PIK3R2: variants seen among roughly 807,000 people sequenced by gnomAD.
PIK3R2 encodes the protein phosphoinositide-3-kinase regulatory subunit 2, also known as phosphatidylinositol 3-kinase regulatory subunit beta.
PIK3R2 carries 40 observed loss-of-function variants against 78.5 expected under a neutral mutation model. The observed-to-expected ratio is 0.51, with a 90% CI of 0.40 to 0.66. The LOEUF (loss-of-function observed/expected upper bound fraction) is 0.66. PIK3R2 is among the 30% of genes least tolerant of loss of function. The probability of loss-of-function intolerance (pLI) is 0.00; values close to 1 mark genes in which losing one functional copy is unlikely to be tolerated. For synonymous variants in PIK3R2, 473 were observed against 457.7 expected, an observed-to-expected ratio of 1.03 and a Z score of -0.43; for missense variants, 880 against 1,026.6, an observed-to-expected ratio of 0.86 and a Z score of 1.95.
Position 18,169,860 on chromosome 19 carries a change from G to A in PIK3R2, c.*566G>A, listed in dbSNP as rs1306741550. On this transcript the variant is annotated 3_prime_UTR_variant, in exon 16 of 16. Transcript: ENST00000222254. The stretch of plus-strand genomic sequence containing the variant: ...AAACCCCGAAGTGAAACCCGCCACC[G>A]GGTTACCCCCACAAGGGGGCCGCTG... The A allele has an allele frequency of 4.9e-6, 1 of 203,088 alleles. No individual in the cohort carries two copies. The highest frequency in any genetic ancestry group is 1.0e-5 in the Non-Finnish European group (1 of 98,474). 12.6% of individuals were successfully genotyped at this position (203,088 alleles called of 1,614,324 possible).
chr19:18,168,996 C>T lies in PIK3R2; in HGVS notation c.1980-91C>T. On this transcript the variant is annotated intron_variant, in intron 15 of 15. Coordinates refer to ENST00000222254, the MANE Select transcript of PIK3R2 (RefSeq NM_005027.4). This position sits in a 1 kb window ranked among gnomAD's most constrained non-coding sequence, Gnocchi z 4.1. ...CTTGGGAAGGAGTCCCTGGTGGGGT[C>T]ATCCGGGACAGGGGAGCACGCGGCC... 2 of 1,554,114 alleles carry T rather than the reference C, an allele frequency of 1.3e-6. No homozygotes were observed. Among genetic ancestry groups the T allele is most frequent in the Non-Finnish European group, 1.8e-6 (2 of 1,138,536 alleles).
chr19:18,167,055 G>A lies in PIK3R2; in HGVS notation c.1560-75G>A. On this transcript the variant is annotated intron_variant, in intron 12 of 15. Coordinates refer to ENST00000222254, the MANE Select transcript of PIK3R2 (RefSeq NM_005027.4). This position sits in a 1 kb window ranked among gnomAD's most constrained non-coding sequence, Gnocchi z 4.5. ...GGAGGCTGAGGTAGGAGGGTCACCT[G>A]AGCCCAGGAGTTTGAGGGTGCAGTG... The A allele has an allele frequency of 7.5e-7, 1 of 1,325,960 alleles. No individual in the cohort carries two copies. The allele number at this position is 1,325,960 out of a possible 1,614,324, so 82.1% of individuals were successfully genotyped here.
chr19:18,157,533 G>A (rs1442209408), intron 2 of PIK3R2, among the ~76,000 whole-genome samples: 1 of 152,210 alleles, frequency 6.6e-6, no homozygotes, highest in Non-Finnish European at 1.5e-5. Flanking sequence ...GAAGTCACCT[G>A]AGCCCCACCT....
Position 18,161,624 on chromosome 19 carries a change from T to A in PIK3R2, c.815+129T>A, listed in dbSNP as rs1272698167. On this transcript the variant is annotated intron_variant, in intron 6 of 15. Transcript: ENST00000222254. This position sits in a 1 kb window ranked among gnomAD's most constrained non-coding sequence, Gnocchi z 5.3. ...ATGGGGTCCAGAGTGAGAAGCTGCG[T>A]TCTTGTGATGACGGAGCGGAGACCT... 2.1e-6 allele frequency: 1 copy of A among 485,486 alleles called. No individual in the cohort carries two copies. Among genetic ancestry groups the A allele is most frequent in the Non-Finnish European group, 3.5e-6 (1 of 285,486 alleles). The allele number at this position is 485,486 out of a possible 1,614,324, so 30.1% of individuals were successfully genotyped here.
Position 18,156,203 on chromosome 19 carries a change from T to A in PIK3R2, c.322+2T>A. On this transcript the variant is annotated splice_donor_variant, in intron 2 of 15. Transcript: ENST00000222254. LOFTEE classifies it high-confidence loss of function. The surrounding 1 kb of genome is among the most constrained non-coding windows in gnomAD (Gnocchi z 4.2). ...CCCGTGATGGGGCCCCTGAGCCAGGTGAGCAGCAAGCAGGGGCCCTGGAAA... is the reference window on the plus strand; with the variant it reads ...CCCGTGATGGGGCCCCTGAGCCAGGAGAGCAGCAAGCAGGGGCCCTGGAAA... 1 of 1,467,064 alleles carries A rather than the reference T, an allele frequency of 6.8e-7. No individual in the cohort carries two copies. Among genetic ancestry groups the A allele is most frequent in the African/African-American group, 1.5e-5 (1 of 67,284 alleles). 90.9% of individuals were successfully genotyped at this position (1,467,064 alleles called of 1,614,324 possible).
chr19:18,155,400 G>A, intron 1 of PIK3R2, 57 bp from the exon 2 acceptor site: 11 of 377,468 alleles, frequency 2.9e-5, no homozygotes, highest in Non-Finnish European at 4.7e-5. Flanking sequence ...GCCCATCTCC[G>A]TGTTGGGGGT....
intron 2 of PIK3R2, among the ~76,000 whole-genome samples, chr19:18,157,914 G>A (rs867155511): frequency 6.6e-6 from 1 of 152,146 alleles, no homozygotes; most frequent in Admixed American, 6.5e-5. Flanking sequence ...CTGCTGAGGC[G>A]GGGATGCTGC....
chr19:18,167,417 C>T lies in PIK3R2; in HGVS notation c.1736+111C>T. ...TCTCCACCAAGTGGCCCTTCCTGGGCCCCGAGACCCCTTAAACTCGGTTCC... is the reference window on the plus strand; with the variant it reads ...TCTCCACCAAGTGGCCCTTCCTGGGTCCCGAGACCCCTTAAACTCGGTTCC... On this transcript the variant is annotated intron_variant, in intron 13 of 15. Coordinates refer to ENST00000222254, the MANE Select transcript of PIK3R2 (RefSeq NM_005027.4). This position sits in a 1 kb window ranked among gnomAD's most constrained non-coding sequence, Gnocchi z 4.5. 3 of 905,388 alleles carry T rather than the reference C, an allele frequency of 3.3e-6. No homozygotes were observed. The highest frequency in any genetic ancestry group is 3.1e-6 in the Non-Finnish European group (2 of 636,732). The allele number at this position is 905,388 out of a possible 1,614,324, so 56.1% of individuals were successfully genotyped here.
intron 11 of PIK3R2, among the ~76,000 whole-genome samples, chr19:18,163,879 C>G (rs916577930): frequency 1.3e-5 from 2 of 151,170 alleles, no homozygotes; most frequent in Non-Finnish European, 2.9e-5. Context: ...GTAATCCCAG[C>G]ACTTTGGGAG....
At chr19:18,162,890 C>T in intron 9 of PIK3R2, 77 bp from the exon 10 acceptor site, 2 of 1,383,800 alleles carry the variant, frequency 1.4e-6, no homozygotes, top group Non-Finnish European at 2.0e-6. Context: ...AAGACTCTGT[C>T]TCAAAAAAAA....
At chr19:18,163,657 CA>C (rs1429061869) in intron 11 of PIK3R2, among the ~76,000 whole-genome samples, 8 of 152,058 alleles carry the variant, frequency 5.3e-5, no homozygotes, top group Non-Finnish European at 1.2e-4. Flanking sequence ...GACCCGTCTA[CA>C]AAAAAATTTA....
chr19:18,164,501 T>C (rs1384395158), intron 11 of PIK3R2, among the ~76,000 whole-genome samples: 1 of 152,042 alleles, frequency 6.6e-6, no homozygotes, highest in East Asian at 1.9e-4. Flanking sequence ...AAAAATTAAG[T>C]GAAAGGTTTT....
chr19:18,162,761 A>T, intron 9 of PIK3R2: 1 of 604,208 alleles, frequency 1.7e-6, no homozygotes, highest in Non-Finnish European at 2.9e-6. Context: ...ATGGTGATGG[A>T]TGCCTGTAAT....
In PIK3R2 at chr19:18,155,477, G is replaced by A. The variant is rs1356535278; in HGVS notation, c.-403G>A. ...CCTAGGTCGGCGTCCTCAGCTGGCC[G>A]AGCATGGTGGCAGCCTGCACCCTTG... On this transcript the variant is annotated 5_prime_UTR_variant, in exon 2 of 16. Coordinates refer to ENST00000222254, the MANE Select transcript of PIK3R2 (RefSeq NM_005027.4). 19 of 408,964 alleles carry A rather than the reference G, an allele frequency of 4.6e-5. No individual in the cohort carries two copies. Among genetic ancestry groups the A allele is most frequent in the Middle Eastern group, 6.1e-4 (1 of 1,650 alleles). The allele number at this position is 408,964 out of a possible 1,614,324, so 25.3% of individuals were successfully genotyped here. A position where few individuals can be genotyped will look rare whatever the true frequency, so the allele number is the denominator to read the frequency against.
rs1345589867 is a variant in PIK3R2 at position 18,168,134 on chromosome 19, G to A, written c.1737-341G>A. 6.6e-6 allele frequency among the ~76,000 whole-genome samples: 1 copy of A among 152,180 alleles called. No individual in the cohort carries two copies. Among genetic ancestry groups the A allele is most frequent in the Non-Finnish European group, 1.5e-5 (1 of 68,042 alleles). ...TGCCCTTTACAGCTGGGGAGACTGA[G>A]GCACAGAACCGACAGCTGCCCTGTG... On this transcript the variant is annotated intron_variant, in intron 13 of 15. Coordinates refer to ENST00000222254, the MANE Select transcript of PIK3R2 (RefSeq NM_005027.4). This position sits in a 1 kb window ranked among gnomAD's most constrained non-coding sequence, Gnocchi z 4.1.
At position 18,161,690 on chromosome 19, in the gene PIK3R2, C is replaced by A. The variant is rs1191837515; in HGVS notation, c.815+195C>A. On this transcript the variant is annotated intron_variant, in intron 6 of 15. Coordinates refer to ENST00000222254, the MANE Select transcript of PIK3R2 (RefSeq NM_005027.4). The surrounding 1 kb of genome is among the most constrained non-coding windows in gnomAD (Gnocchi z 5.3). The stretch of plus-strand genomic sequence containing the variant: ...GGGACAGAAGGTGAAGGGGCCTAGT[C>A]CCGAAGCATGTGGGTGGTGCCTGCA... Among the ~76,000 whole-genome samples the A allele has an allele frequency of 1.3e-5, 2 of 152,186 alleles. No individual in the cohort carries two copies. The highest frequency in any genetic ancestry group is 4.8e-5 in the African/African-American group (2 of 41,448).
chr19:18,161,586 A>C lies in PIK3R2; in HGVS notation c.815+91A>C. The C allele has an allele frequency of 1.3e-5, 6 of 463,372 alleles. No individual in the cohort carries two copies. Among genetic ancestry groups the C allele is most frequent in the East Asian group, 8.7e-5 (2 of 23,084 alleles). 28.7% of individuals were successfully genotyped at this position (463,372 alleles called of 1,614,324 possible). On this transcript the variant is annotated intron_variant, in intron 6 of 15. Coordinates refer to ENST00000222254, the MANE Select transcript of PIK3R2 (RefSeq NM_005027.4). The surrounding 1 kb of genome is among the most constrained non-coding windows in gnomAD (Gnocchi z 5.3). Reference sequence around the variant, plus strand: ...CCAGAGTGAGCGGCGTCTAGACCCTAAGAAGGGAGGGGATGGGGTCCAGAG... The same window carrying C: ...CCAGAGTGAGCGGCGTCTAGACCCTCAGAAGGGAGGGGATGGGGTCCAGAG...
intron 2 of PIK3R2, among the ~76,000 whole-genome samples, chr19:18,158,398 C>T (rs189431546): frequency 8.8e-4 from 133 of 151,650 alleles, no homozygotes; most frequent in Non-Finnish European, 1.3e-3. Flanking sequence ...GGCTAAGTCA[C>T]GAGAATCGCT....
chr19:18,166,023 C>T, intron 11 of PIK3R2, 137 bp from the exon 12 acceptor site: 3 of 1,073,654 alleles, frequency 2.8e-6, no homozygotes, highest in Non-Finnish European at 2.9e-6. Context: ...TTTGGTGCAG[C>T]AGGCGTTAGA....
Sources: gnomAD v4.1 joint callset for allele counts (sites outside exome capture counted in the v4.1 genomes callset) on GRCh38, gnomAD v4.1.1 for gene constraint, Gnocchi (gnomAD v3.1) non-coding constraint, MANE v1.5 for transcripts, NCBI Gene and HGNC (gene_info 2026-07-23, HGNC 2026-07-21) for gene names.